Variants in FYCO1 observed in about 807,000 individuals in gnomAD.
FYCO1 encodes the protein FYVE and coiled-coil domain autophagy adaptor 1.
FYCO1 carries 122 observed loss-of-function variants against 165.1 expected under a neutral mutation model. That is an observed-to-expected ratio of 0.74 (90% CI 0.64 to 0.86). FYCO1 has a LOEUF of 0.86. Ranked by LOEUF, FYCO1 falls within the 40% of genes least tolerant of loss-of-function variation. FYCO1 has a pLI of 0.00. For synonymous variants in FYCO1, 648 were observed against 742.5 expected (o/e 0.87, Z 2.07); for missense variants, 1,702 against 1,810.3 (o/e 0.94, Z 1.09).
At position 45,966,967 on chromosome 3, in the gene FYCO1, C is replaced by T. The variant is rs1449195529; in HGVS notation, c.2367G>A (p.Gln789=). 2 of 1,613,482 alleles carry T rather than the reference C, an allele frequency of 1.2e-6. No homozygotes were observed. The highest frequency in any genetic ancestry group is 1.7e-6 in the Non-Finnish European group (2 of 1,180,034). Residue 789 remains glutamine (Q), a synonymous_variant, in exon 8 of 18, where the codon CAG becomes CAA. Coordinates refer to ENST00000296137, the MANE Select transcript of FYCO1 (RefSeq NM_024513.4). ...EVHQGEVQRL[Q]AQVVDLQAKM... Reference sequence around the variant, plus strand: ...TGGCCTGGAGGTCCACCACCTGAGCCTGCAGCCGTTGGACCTCCCCCTGAT... The same window carrying T: ...TGGCCTGGAGGTCCACCACCTGAGCTTGCAGCCGTTGGACCTCCCCCTGAT...
intron 14 of FYCO1, among the ~76,000 whole-genome samples, chr3:45,951,015 A>G (rs554651937): frequency 6.6e-6 from 1 of 152,312 alleles, no homozygotes; most frequent in South Asian, 2.1e-4. Flanking sequence ...TTCTGAAGCA[A>G]TTACTGGTAA....
At chr3:45,939,429 G>A in intron 14 of FYCO1, among the ~76,000 whole-genome samples, 1 of 152,200 alleles carries the variant, frequency 6.6e-6, no homozygotes, top group East Asian at 1.9e-4. Flanking sequence ...GAGTCATGGT[G>A]GAGCCCCTTC....
At chr3:45,950,393 C>G (rs959604411) in intron 14 of FYCO1, among the ~76,000 whole-genome samples, 3 of 152,140 alleles carry the variant, frequency 2.0e-5, no homozygotes, top group Non-Finnish European at 4.4e-5. Flanking sequence ...CAAGATGACA[C>G]TGACTCTAGG....
chr3:45,965,807 C>G (rs969391696), intron 8 of FYCO1, among the ~76,000 whole-genome samples: 1 of 152,164 alleles, frequency 6.6e-6, no homozygotes, highest in Non-Finnish European at 1.5e-5. Flanking sequence ...ACATGCCCGG[C>G]GGGGCTGGGC....
intron 1 of FYCO1, among the ~76,000 whole-genome samples, chr3:45,986,562 A>C (rs539362857): frequency 1.3e-5 from 2 of 152,328 alleles, no homozygotes; most frequent in East Asian, 3.9e-4. Context: ...ACAAGGCCCA[A>C]AGAGGGCTTC....
At chr3:45,984,733 G>T in intron 2 of FYCO1, 123 bp downstream of exon 2, 1 of 948,850 alleles carries the variant, frequency 1.1e-6, no homozygotes, top group Non-Finnish European at 1.7e-6. Flanking sequence ...GATGTGACCT[G>T]AGGACTCCAA....
chr3:45,968,076 C>T lies in FYCO1; in HGVS notation c.1258G>A (p.Val420Ile), dbSNP rs1268009873. The part of the protein sequence containing the change: ...LERERTKVEE[V>I]NRQQSAQLEQ... ...AGTTGGGCACTCTGCTGTCTGTTGACCTCCTCGACCTTGGTTCTCTCCCTT... is the reference window on the plus strand; with the variant it reads ...AGTTGGGCACTCTGCTGTCTGTTGATCTCCTCGACCTTGGTTCTCTCCCTT... Residue 420 changes from valine to isoleucine, a missense_variant, in exon 8 of 18, where the codon GTC becomes ATC. Physicochemically the swap from Val to Ile is conservative, Grantham distance 29 (BLOSUM62 3). Transcript: ENST00000296137. The T allele has an allele frequency of 1.2e-6, 2 of 1,614,172 alleles. No homozygotes were observed. The highest frequency in any genetic ancestry group is 3.3e-5 in the Admixed American group (2 of 60,028).
chr3:45,936,149 T>C (rs7638236), intron 15 of FYCO1, among the ~76,000 whole-genome samples: 13,762 of 152,168 alleles, frequency 0.09, 2,159 homozygotes, highest in African/African-American at 0.32. Flanking sequence ...AAAGTTATTT[T>C]GAAAAAAGAA....
In FYCO1 at chr3:45,931,184, T is replaced by G; in HGVS notation, c.4138A>C (p.Thr1380Pro). 6.2e-7 allele frequency: 1 copy of G among 1,614,064 alleles called. No individual in the cohort carries two copies. The highest frequency in any genetic ancestry group is 8.5e-7 in the Non-Finnish European group (1 of 1,179,952). ...RSSTYSLIPI[T>P]VAEAGLTISW... ...ATGGTGAGGCCTGCCTCGGCCACAG[T>G]GATGGGGATCAGGCTGTAGGTGCTG... The change falls in exon 16 of 18, where the codon ACT becomes CCT. Residue 1380 changes from threonine (T) to proline (P), a missense_variant. Physicochemically the swap from Thr to Pro is conservative, Grantham distance 38. Transcript: ENST00000296137.
chr3:45,948,877 A>G (rs1704811730), intron 14 of FYCO1, among the ~76,000 whole-genome samples: 1 of 152,178 alleles, frequency 6.6e-6, no homozygotes, highest in Admixed American at 6.5e-5. Flanking sequence ...TTGGTGAAAC[A>G]TGGATCATAA....
At chr3:45,958,358 A>G in intron 13 of FYCO1, 50 bp downstream of exon 13, 2 of 1,526,226 alleles carry the variant, frequency 1.3e-6, no homozygotes, top group Non-Finnish European at 1.8e-6. Flanking sequence ...TCGGTAGGGG[A>G]GGAAGTGGCA....
chr3:45,932,459 A>G (rs1703680413), intron 15 of FYCO1, among the ~76,000 whole-genome samples: 1 of 152,276 alleles, frequency 6.6e-6, no homozygotes, highest in South Asian at 2.1e-4. Context: ...TAAGATTCTA[A>G]AAGATTGAGA....
At chr3:45,932,889 T>C (rs550850055) in intron 15 of FYCO1, among the ~76,000 whole-genome samples, 2 of 152,314 alleles carry the variant, frequency 1.3e-5, no homozygotes, top group Admixed American at 6.5e-5. Flanking sequence ...GGAACAGACA[T>C]CTTTCTTGTA....
At position 45,964,540 on chromosome 3, in the gene FYCO1, A is replaced by G. The variant is rs1332153900; in HGVS notation, c.3151-86T>C. On this transcript the variant is annotated intron_variant, in intron 9 of 17. Coordinates refer to ENST00000296137, the MANE Select transcript of FYCO1 (RefSeq NM_024513.4). The surrounding 1 kb of genome is among the most constrained non-coding windows in gnomAD (Gnocchi z 4.1). ...AAGTGGCTGGTGTGCCATCCACCCCATCTGGCTGGGTCACTTCTAAATGGA... is the reference window on the plus strand; with the variant it reads ...AAGTGGCTGGTGTGCCATCCACCCCGTCTGGCTGGGTCACTTCTAAATGGA... The G allele has an allele frequency of 6.3e-7, 1 of 1,589,254 alleles. No individual in the cohort carries two copies. Among genetic ancestry groups the G allele is most frequent in the Non-Finnish European group, 8.6e-7 (1 of 1,168,886 alleles).
intron 14 of FYCO1, among the ~76,000 whole-genome samples, chr3:45,937,285 G>GC (rs1703949276): frequency 6.6e-6 from 1 of 152,240 alleles, no homozygotes; most frequent in Admixed American, 6.5e-5. Flanking sequence ...CATCAATGAG[G>GC]AAGATCTCCC....
chr3:45,964,942 T>C lies in FYCO1; in HGVS notation c.3150+91A>G. ...ACTGAGGACGGCTTCAGCTTGGGAA[T>C]CTGGAGGCATGCAGGGAGCCCTCTT... On this transcript the variant is annotated intron_variant, in intron 9 of 17. Transcript: ENST00000296137. The surrounding 1 kb of genome is among the most constrained non-coding windows in gnomAD (Gnocchi z 4.1). 1 of 1,006,088 alleles carries C rather than the reference T, an allele frequency of 9.9e-7. No individual in the cohort carries two copies. The highest frequency in any genetic ancestry group is 1.3e-5 in the South Asian group (1 of 74,608). 62.3% of individuals were successfully genotyped at this position (1,006,088 alleles called of 1,614,324 possible).
At chr3:45,974,902 G>T (rs1706656638) in intron 5 of FYCO1, among the ~76,000 whole-genome samples, 1 of 152,222 alleles carries the variant, frequency 6.6e-6, no homozygotes, top group Non-Finnish European at 1.5e-5. Flanking sequence ...AGAGGCCAAG[G>T]CTGTAACCTG....
At position 45,975,202 on chromosome 3, in the gene FYCO1, G is replaced by T. The variant is rs372930369; in HGVS notation, c.395+37C>A. ...AATGAACTTTAGTTCATTTCTGCAC[G>T]GGATGATCCCAAACCCCAGCCCTGT... On this transcript the variant is annotated intron_variant, in intron 5 of 17. Coordinates refer to ENST00000296137, the MANE Select transcript of FYCO1 (RefSeq NM_024513.4). The T allele has an allele frequency of 3.4e-5, 47 of 1,367,866 alleles. No individual in the cohort carries two copies. The African/African-American group carries it at 4.4e-4, about 13-fold the overall frequency. The allele number at this position is 1,367,866 out of a possible 1,614,324, so 84.7% of individuals were successfully genotyped here.
intron 14 of FYCO1, chr3:45,947,782 G>A (rs753559060): frequency 4.4e-6 from 2 of 451,730 alleles, no homozygotes. Context: ...GGGATGACAT[G>A]TGACTCCTAT....
Sources: gnomAD v4.1 joint callset for allele counts (sites outside exome capture counted in the v4.1 genomes callset) on GRCh38, gnomAD v4.1.1 for gene constraint, Gnocchi (gnomAD v3.1) non-coding constraint, MANE v1.5 for transcripts, NCBI Gene and HGNC (gene_info 2026-07-23, HGNC 2026-07-21) for gene names.